NIPSNAP2: variants seen among roughly 807,000 people sequenced by gnomAD.
NIPSNAP2 encodes nipsnap homolog 2.
NIPSNAP2 carries 42 observed loss-of-function variants against 48.4 expected under a neutral mutation model. The ratio of observed to expected loss-of-function variants is 0.87; its 90% CI spans 0.68 to 1.12. The LOEUF is 1.12. Among genes scored for constraint, NIPSNAP2 ranks in the 50% most tolerant of loss-of-function variants. The probability of loss-of-function intolerance (pLI) is 0.00; values close to 1 mark genes in which losing one functional copy is unlikely to be tolerated. For missense variants in NIPSNAP2, 314 were observed against 347.3 expected (o/e 0.90, Z 0.76); for synonymous variants, 158 against 126.6 (o/e 1.25, Z -1.67).
chr7:55,991,804 T>C (rs768291141), intron 7 of NIPSNAP2: 1 of 250,882 alleles, frequency 4.0e-6, no homozygotes, highest in South Asian at 4.9e-5. Context: ...CAGTTTAGCA[T>C]TCAATTTATA....
At chr7:55,985,566 C>T (rs1787311363) in intron 7 of NIPSNAP2, among the ~76,000 whole-genome samples, 1 of 151,522 alleles carries the variant, frequency 6.6e-6, no homozygotes, top group African/African-American at 2.4e-5. Flanking sequence ...GTAAGACCCC[C>T]AACCTCTACC....
chr7:55,969,339 C>A (rs1030197832), intron 1 of NIPSNAP2, among the ~76,000 whole-genome samples: 2 of 151,576 alleles, frequency 1.3e-5, no homozygotes, highest in East Asian at 4.0e-4. Context: ...CTCTTCTCTC[C>A]CCCGGGTCTG....
In NIPSNAP2 at chr7:55,998,992, C is replaced by G; in HGVS notation, c.797-16C>G. On this transcript the variant is annotated splice_polypyrimidine_tract_variant and intron_variant, in intron 9 of 9. Transcript: ENST00000322090. ...TTAGAAAGTAACAAGTGCAGTAACC[C>G]TGATCTTGTTTTCAGTTCCACTTAT... The G allele has an allele frequency of 6.2e-7, 1 of 1,611,444 alleles. No homozygotes were observed. Among genetic ancestry groups the G allele is most frequent in the Non-Finnish European group, 8.5e-7 (1 of 1,177,662 alleles).
At chr7:55,967,410 C>T (rs1416057860) in intron 1 of NIPSNAP2, among the ~76,000 whole-genome samples, 2 of 152,182 alleles carry the variant, frequency 1.3e-5, no homozygotes, top group African/African-American at 4.8e-5. Flanking sequence ...CAGCAATACT[C>T]GTCTGGATTC....
chr7:55,979,948 C>G, intron 3 of NIPSNAP2: 1 of 426,716 alleles, frequency 2.3e-6, no homozygotes, highest in Admixed American at 2.8e-5. Flanking sequence ...GGCTACAAAT[C>G]CATGCGTGAC....
In NIPSNAP2 at chr7:55,978,217, T is replaced by C. The variant is rs748995292; in HGVS notation, c.184T>C (p.Ser62Pro). 1 of 1,614,166 alleles carries C rather than the reference T, an allele frequency of 6.2e-7. No homozygotes were observed. The highest frequency in any genetic ancestry group is 8.5e-7 in the Non-Finnish European group (1 of 1,180,012). The change falls in exon 2 of 10, where the codon TCC (serine) becomes CCC (proline). Residue 62 changes from serine (S) to proline (P), a missense_variant. Ser to Pro is a moderately conservative substitution (Grantham distance 74). Transcript: ENST00000322090. ...AGTTGATCCAAGAAAAGATGCCCAC[T>C]CCAATCTCCTAGCCAAAAAGGAAAC... ...RKVDPRKDAH[S>P]NLLAKKETSN...
At chr7:55,991,981 T>G (rs1437996040) in intron 7 of NIPSNAP2, 1 of 161,338 alleles carries the variant, frequency 6.2e-6, no homozygotes, top group Non-Finnish European at 1.4e-5. Flanking sequence ...AAAGCCAGGT[T>G]TTTTTCTTCT....
chr7:55,982,632 G>T (rs1008819430), intron 5 of NIPSNAP2, among the ~76,000 whole-genome samples: 1 of 151,728 alleles, frequency 6.6e-6, no homozygotes, highest in Non-Finnish European at 1.5e-5. Context: ...GGCACCTGTA[G>T]TCCCAGCTAC....
In NIPSNAP2 at chr7:55,985,289, C is replaced by T. The variant is rs1584346752; in HGVS notation, c.617+411C>T. Among the ~76,000 whole-genome samples the T allele has an allele frequency of 2.0e-5, 3 of 152,124 alleles. No individual in the cohort carries two copies. In the East Asian group the frequency reaches 5.8e-4, roughly 29 times the overall value. On this transcript the variant is annotated intron_variant, in intron 7 of 9. Transcript: ENST00000322090. ...ACATACTTCTTGGATATCATCTTTTCTGAAACGTTACTTTTGTCATATATA... is the reference window on the plus strand; with the variant it reads ...ACATACTTCTTGGATATCATCTTTTTTGAAACGTTACTTTTGTCATATATA...
intron 1 of NIPSNAP2, among the ~76,000 whole-genome samples, chr7:55,972,302 C>T (rs147943975): frequency 0.051 from 6,662 of 130,956 alleles, 181 homozygotes; most frequent in Admixed American, 0.071. Context: ...GAGCAAGACT[C>T]TGTCTCAAAA....
At chr7:55,968,929 C>T (rs1786955138) in intron 1 of NIPSNAP2, among the ~76,000 whole-genome samples, 1 of 151,922 alleles carries the variant, frequency 6.6e-6, no homozygotes, top group African/African-American at 2.4e-5. Context: ...GGGCTGTAGT[C>T]CCAGCTATAC....
chr7:55,998,504 T>TG (rs1562770850), intron 9 of NIPSNAP2, among the ~76,000 whole-genome samples: 9 of 126,156 alleles, frequency 7.1e-5, no homozygotes, highest in African/African-American at 2.3e-4. Context: ...TTTTTTTTTT[T>TG]TTTTTTTTTT....
intron 1 of NIPSNAP2, among the ~76,000 whole-genome samples, chr7:55,973,423 TTTATAA>T (rs1319556668): frequency 1.3e-5 from 2 of 151,864 alleles, no homozygotes; most frequent in East Asian, 3.8e-4. Flanking sequence ...TTTATATTTC[TTTATAA>T]TTATTTATAG....
At chr7:55,974,860 A>AG (rs1357250442) in intron 1 of NIPSNAP2, among the ~76,000 whole-genome samples, 6 of 148,614 alleles carry the variant, frequency 4.0e-5, no homozygotes, top group Admixed American at 6.7e-5. Flanking sequence ...AAAAAAAAAA[A>AG]AAAAAAAGAA....
At chr7:55,968,164 A>G (rs1360230311) in intron 1 of NIPSNAP2, among the ~76,000 whole-genome samples, 1 of 152,080 alleles carries the variant, frequency 6.6e-6, no homozygotes, top group Non-Finnish European at 1.5e-5. Flanking sequence ...ACTGGTTCCT[A>G]ATCCCTCCTC....
rs549875745 is a variant in NIPSNAP2 at position 55,982,691 on chromosome 7, G to T, written c.444+411G>T. ...GGCGTGAACCCGGGAGGTGGAGCTT[G>T]CAGTGAGCTGAGATTGCGCCACTGT... On this transcript the variant is annotated intron_variant, in intron 5 of 9. Transcript: ENST00000322090. Among the ~76,000 whole-genome samples, 164 of 151,604 alleles carry T rather than the reference G, an allele frequency of 1.1e-3. 1 individual carries two copies. The highest frequency in any genetic ancestry group is 3.6e-3 in the African/African-American group (149 of 41,292).
intron 1 of NIPSNAP2, among the ~76,000 whole-genome samples, chr7:55,977,369 C>T (rs370280489): frequency 2.0e-5 from 3 of 151,938 alleles, no homozygotes; most frequent in Admixed American, 6.6e-5. Flanking sequence ...CCAGCTTGGG[C>T]GATAGAGCGA....
chr7:55,982,088 T>A (rs1026119647), intron 4 of NIPSNAP2, 122 bp from the exon 5 acceptor site: 1 of 552,752 alleles, frequency 1.8e-6, no homozygotes, highest in East Asian at 3.2e-5. Flanking sequence ...ATTACAGGCA[T>A]GAGCCACCAC....
chr7:55,987,650 C>G (rs1321240598), intron 7 of NIPSNAP2, among the ~76,000 whole-genome samples: 1 of 152,090 alleles, frequency 6.6e-6, no homozygotes, highest in Admixed American at 6.6e-5. Context: ...AGAAGGAAGT[C>G]TTGTCTTATA....
Sources: allele counts gnomAD v4.1 joint callset (sites outside exome capture counted in the v4.1 genomes callset), GRCh38; gene constraint gnomAD v4.1.1; transcripts MANE v1.5; gene names NCBI Gene and HGNC (gene_info 2026-07-23, HGNC 2026-07-21).